The following DIAPH3 variants were observed in gnomAD, a reference collection of about 807,000 sequenced individuals.
DIAPH3 encodes protein diaphanous homolog 3.
DIAPH3 carries 117 observed loss-of-function variants against 144.3 expected under a neutral mutation model. That is an observed-to-expected ratio of 0.81 (90% CI 0.70 to 0.95). The LOEUF is 0.95. Among genes scored for constraint, DIAPH3 ranks in the 40% least tolerant of loss-of-function variants. The pLI is 0.00. For synonymous variants in DIAPH3, 519 were observed against 488.9 expected (o/e 1.06, Z -0.81); for missense variants, 1,421 against 1,412.7 (o/e 1.01, Z -0.09).
intron 4 of DIAPH3, among the ~76,000 whole-genome samples, chr13:60,052,235 T>C (rs539546976): frequency 1.2e-4 from 19 of 152,114 alleles, no homozygotes; most frequent in African/African-American, 4.6e-4. Context: ...TGGGTCAGAA[T>C]TGCCAATGGG....
At chr13:60,019,411 A>G (rs2053859212) in intron 5 of DIAPH3, among the ~76,000 whole-genome samples, 1 of 152,110 alleles carries the variant, frequency 6.6e-6, no homozygotes, top group Non-Finnish European at 1.5e-5. Flanking sequence ...TTTGTATCAG[A>G]AAAAAACTGC....
chr13:60,095,089 TCA>T (rs920560036), intron 3 of DIAPH3, among the ~76,000 whole-genome samples: 1 of 152,134 alleles, frequency 6.6e-6, no homozygotes, highest in African/African-American at 2.4e-5. Context: ...GGGGGTAGCA[TCA>T]CAGTTTGACC....
intron 27 of DIAPH3, among the ~76,000 whole-genome samples, chr13:59,677,082 T>G (rs1054448870): frequency 6.6e-6 from 1 of 152,130 alleles, no homozygotes; most frequent in Non-Finnish European, 1.5e-5. Context: ...TATTCACTGG[T>G]GTATTCCCAA....
At chr13:59,863,795 A>G (rs1207228115) in intron 21 of DIAPH3, among the ~76,000 whole-genome samples, 2 of 152,174 alleles carry the variant, frequency 1.3e-5, no homozygotes, top group Non-Finnish European at 2.9e-5. Context: ...GTGTTTTACA[A>G]GAGGATGCCT....
At chr13:59,797,948 C>A (rs1437467365) in intron 25 of DIAPH3, among the ~76,000 whole-genome samples, 1 of 151,996 alleles carries the variant, frequency 6.6e-6, no homozygotes, top group Non-Finnish European at 1.5e-5. Context: ...TGTTTCTTAC[C>A]CTATGCCAGG....
intron 3 of DIAPH3, among the ~76,000 whole-genome samples, chr13:60,095,333 C>A (rs2058074681): frequency 6.6e-6 from 1 of 152,170 alleles, no homozygotes; most frequent in South Asian, 2.1e-4. Flanking sequence ...CAGAGCAGGG[C>A]TAACTCATAG....
chr13:60,152,406 G>T (rs1951829996), intron 1 of DIAPH3, among the ~76,000 whole-genome samples: 2 of 151,542 alleles, frequency 1.3e-5, no homozygotes, highest in East Asian at 1.9e-4. Context: ...CAGTATTTAA[G>T]ATCTGTCATG....
intron 4 of DIAPH3, among the ~76,000 whole-genome samples, chr13:60,049,983 A>G (rs1306807134): frequency 6.6e-6 from 1 of 152,220 alleles, no homozygotes; most frequent in Non-Finnish European, 1.5e-5. Context: ...AGAGGCCAGG[A>G]GTTTGAAAAC....
intron 2 of DIAPH3, among the ~76,000 whole-genome samples, chr13:60,128,443 A>C (rs2059048211): frequency 6.6e-6 from 1 of 152,130 alleles, no homozygotes; most frequent in Non-Finnish European, 1.5e-5. Flanking sequence ...AGATTGCTGG[A>C]TCATACCTCA....
intron 8 of DIAPH3, among the ~76,000 whole-genome samples, chr13:60,009,224 C>T (rs952635157): frequency 6.6e-6 from 1 of 152,108 alleles, no homozygotes; most frequent in African/African-American, 2.4e-5. Context: ...AAAAACTATA[C>T]TTCCTCTTCT....
intron 17 of DIAPH3, among the ~76,000 whole-genome samples, chr13:59,954,560 T>A (rs1418019777): frequency 6.6e-6 from 1 of 152,182 alleles, no homozygotes; most frequent in Non-Finnish European, 1.5e-5. Context: ...AGTTGACTTC[T>A]CTGGATTCAA....
intron 4 of DIAPH3, among the ~76,000 whole-genome samples, chr13:60,081,379 T>C (rs1386337569): frequency 2.0e-5 from 3 of 152,008 alleles, no homozygotes; most frequent in East Asian, 1.9e-4. Flanking sequence ...AAAAGTTACA[T>C]AGAAAAATGT....
At chr13:59,807,044 CTG>C (rs529560262) in intron 25 of DIAPH3, among the ~76,000 whole-genome samples, 51 of 151,646 alleles carry the variant, frequency 3.4e-4, no homozygotes, top group African/African-American at 1.2e-3. Context: ...AAAAAGTTGA[CTG>C]TATTATTTGT....
chr13:59,812,453 C>T (rs183702907), intron 24 of DIAPH3, among the ~76,000 whole-genome samples: 5 of 152,090 alleles, frequency 3.3e-5, no homozygotes, highest in Admixed American at 6.5e-5. Flanking sequence ...TAAGAGAGCA[C>T]ACTAAAACAA....
chr13:59,942,227 T>G (rs2048572751), intron 17 of DIAPH3, among the ~76,000 whole-genome samples: 1 of 152,198 alleles, frequency 6.6e-6, no homozygotes, highest in Non-Finnish European at 1.5e-5. Context: ...TATTGCTTTC[T>G]GAATGGAGTT....
chr13:59,692,868 T>C (rs957616061), intron 27 of DIAPH3, among the ~76,000 whole-genome samples: 5 of 152,186 alleles, frequency 3.3e-5, no homozygotes, highest in Admixed American at 2.0e-4. Flanking sequence ...CTGATTATAA[T>C]AAAATCTTTC....
At chr13:59,738,482 G>C (rs1306113005) in intron 27 of DIAPH3, among the ~76,000 whole-genome samples, 1 of 152,132 alleles carries the variant, frequency 6.6e-6, no homozygotes, top group Non-Finnish European at 1.5e-5. Flanking sequence ...AATTGCTTAA[G>C]AACTGTCTTA....
intron 11 of DIAPH3, among the ~76,000 whole-genome samples, chr13:59,991,607 G>A (rs1487391460): frequency 1.3e-5 from 2 of 151,860 alleles, no homozygotes; most frequent in Non-Finnish European, 2.9e-5. Flanking sequence ...TGGTGGTCAG[G>A]TTAATTATCT....
At chr13:59,700,829 T>A (rs553720063) in intron 27 of DIAPH3, among the ~76,000 whole-genome samples, 33 of 152,346 alleles carry the variant, frequency 2.2e-4, no homozygotes, top group Middle Eastern at 3.4e-3. Flanking sequence ...AAATCAACCA[T>A]AAATGTTAAA....
Sources: gnomAD v4.1 joint callset for allele counts (sites outside exome capture counted in the v4.1 genomes callset) on GRCh38, gnomAD v4.1.1 for gene constraint, MANE v1.5 for transcripts, NCBI Gene and HGNC (gene_info 2026-07-23, HGNC 2026-07-21) for gene names.